Variants in STK3 observed in about 807,000 individuals in gnomAD.
The protein encoded by STK3 is serine/threonine-protein kinase 3.
STK3 carries 41 observed loss-of-function variants against 58.0 expected under a neutral mutation model. The observed-to-expected ratio is 0.71, with a 90% CI of 0.55 to 0.92. The LOEUF is 0.92. STK3 is among the 40% of genes least tolerant of loss of function. The probability of loss-of-function intolerance (pLI) is 0.00; values close to 1 mark genes in which losing one functional copy is unlikely to be tolerated. For synonymous variants in STK3, 170 were observed against 191.0 expected (o/e 0.89, Z 0.91); for missense variants, 479 against 602.7 (o/e 0.79, Z 2.15).
At chr8:98,379,820 C>T (rs1586542608) in intron 1 of STK3, among the ~76,000 whole-genome samples, 2 of 152,160 alleles carry the variant, frequency 1.3e-5, no homozygotes, top group South Asian at 2.1e-4. Flanking sequence ...GAATTGAAAT[C>T]GGGATCTTGA....
chr8:98,930,868 A>G (rs1000344206), intron 1 of STK3, among the ~76,000 whole-genome samples: 4 of 152,222 alleles, frequency 2.6e-5, no homozygotes, highest in Non-Finnish European at 5.9e-5. Context: ...TTACAAAAGC[A>G]GACTACTTGA....
At chr8:98,716,707 C>G (rs891356988) in intron 4 of STK3, among the ~76,000 whole-genome samples, 1 of 151,876 alleles carries the variant, frequency 6.6e-6, no homozygotes, top group Non-Finnish European at 1.5e-5. Context: ...TCTCAAGGGG[C>G]CCCAAAACAA....
intron 4 of STK3, among the ~76,000 whole-genome samples, chr8:98,737,900 G>C (rs1828750236): frequency 6.6e-6 from 1 of 152,204 alleles, no homozygotes; most frequent in African/African-American, 2.4e-5. Flanking sequence ...AGTAGAGACA[G>C]AGTTTTGCCG....
At chr8:98,926,022 G>A (rs537536873) in intron 1 of STK3, among the ~76,000 whole-genome samples, 1 of 152,146 alleles carries the variant, frequency 6.6e-6, no homozygotes, top group East Asian at 1.9e-4. Context: ...TGCCAAAGAG[G>A]GGCCGGGGGA....
intron 8 of STK3, among the ~76,000 whole-genome samples, chr8:98,566,378 G>A (rs778614376): frequency 1.4e-4 from 21 of 151,668 alleles, no homozygotes; most frequent in Non-Finnish European, 2.9e-4. Context: ...ACTGCAATAA[G>A]CCAAACTAGA....
the STK3 span, among the ~76,000 whole-genome samples, chr8:98,353,321 A>G: frequency 6.6e-6 from 1 of 152,106 alleles, no homozygotes; most frequent in Admixed American, 6.6e-5. Context: ...CAAAAAAACA[A>G]AAACAAAAAA....
chr8:98,577,901 G>A (rs1312047384), intron 8 of STK3, among the ~76,000 whole-genome samples: 2 of 151,916 alleles, frequency 1.3e-5, no homozygotes, highest in African/African-American at 4.8e-5. Context: ...TCAAGTACCG[G>A]GTATAGCACA....
intron 6 of STK3, among the ~76,000 whole-genome samples, chr8:98,702,469 G>A (rs1431899569): frequency 6.6e-6 from 1 of 152,164 alleles, no homozygotes; most frequent in Non-Finnish European, 1.5e-5. Flanking sequence ...GTGAAAAACA[G>A]TATTAATTTG....
intron 1 of STK3, among the ~76,000 whole-genome samples, chr8:98,791,964 T>C (rs188349789): frequency 6.6e-6 from 1 of 152,198 alleles, no homozygotes; most frequent in East Asian, 1.9e-4. Flanking sequence ...GATAAATAGC[T>C]GGGACTTAAA....
At chr8:98,845,585 G>A (rs1189944898) in intron 3 of STK3, among the ~76,000 whole-genome samples, 3 of 152,126 alleles carry the variant, frequency 2.0e-5, no homozygotes, top group Admixed American at 6.6e-5. Flanking sequence ...ATTTTTCCAC[G>A]TTCATATACT....
In STK3 at chr8:98,455,961, T is replaced by C. The variant is rs772958070; in HGVS notation, c.1357A>G (p.Lys453Glu). 2 of 1,612,736 alleles carry C rather than the reference T, an allele frequency of 1.2e-6. No homozygotes were observed. The highest frequency in any genetic ancestry group is 1.6e-4 in the Middle Eastern group (1 of 6,062). The change falls in exon 11 of 11, where the codon AAA (lysine) becomes GAA (glutamate). Residue 453 changes from lysine to glutamate, a missense_variant. By Grantham distance (56) the Lys-to-Glu change is moderately conservative. Coordinates refer to ENST00000419617, the MANE Select transcript of STK3 (RefSeq NM_006281.4). ...LSLEELQMRL[K>E]ALDPMMEREI... Reference sequence around the variant, plus strand: ...CGTTCCATCATGGGGTCCAGTGCTTTTAACCGCATCTGTAGTTCTTCTAAA... The same window carrying C: ...CGTTCCATCATGGGGTCCAGTGCTTCTAACCGCATCTGTAGTTCTTCTAAA...
intron 1 of STK3, among the ~76,000 whole-genome samples, chr8:98,927,476 G>A (rs1434204129): frequency 6.6e-6 from 1 of 152,214 alleles, no homozygotes; most frequent in Non-Finnish European, 1.5e-5. Flanking sequence ...TCTATGGAAG[G>A]TCTTCTCCTA....
chr8:98,505,656 C>T (rs556051113), intron 10 of STK3, among the ~76,000 whole-genome samples: 22 of 152,324 alleles, frequency 1.4e-4, no homozygotes, highest in African/African-American at 5.3e-4. Context: ...GGTCCCTCAG[C>T]TGCAGGTCTG....
intron 1 of STK3, among the ~76,000 whole-genome samples, chr8:98,386,269 A>G (rs150045748): frequency 1.2e-4 from 19 of 152,374 alleles, no homozygotes; most frequent in Non-Finnish European, 2.4e-4. Context: ...TGTGCACAAG[A>G]CAATTAATTG....
intron 1 of STK3, among the ~76,000 whole-genome samples, chr8:98,929,817 A>G (rs560287207): frequency 6.6e-6 from 1 of 152,302 alleles, no homozygotes; most frequent in East Asian, 1.9e-4. Context: ...GTCTTCCCAT[A>G]AACTCACTTG....
At chr8:98,603,877 C>A (rs1229515841) in intron 6 of STK3, among the ~76,000 whole-genome samples, 1 of 152,100 alleles carries the variant, frequency 6.6e-6, no homozygotes, top group South Asian at 2.1e-4. Flanking sequence ...ACGTTCTAAT[C>A]CCCGGACTTG....
intron 1 of STK3, among the ~76,000 whole-genome samples, chr8:98,813,669 C>T (rs567021935): frequency 7.6e-4 from 115 of 152,250 alleles, no homozygotes; most frequent in Admixed American, 1.8e-3. Context: ...AGAATTTTCT[C>T]CACTTATCAT....
At chr8:98,537,589 CTTTT>C (rs898449800) in intron 9 of STK3, among the ~76,000 whole-genome samples, 2 of 152,114 alleles carry the variant, frequency 1.3e-5, no homozygotes, top group Non-Finnish European at 2.9e-5. Flanking sequence ...ATGGCAAATA[CTTTT>C]TTTAAGCACA....
intron 3 of STK3, among the ~76,000 whole-genome samples, chr8:98,755,098 T>A (rs1200358703): frequency 6.6e-6 from 1 of 152,220 alleles, no homozygotes; most frequent in Non-Finnish European, 1.5e-5. Context: ...ATGGCCCATC[T>A]AACACCCACG....
Sources: allele counts gnomAD v4.1 joint callset (sites outside exome capture counted in the v4.1 genomes callset), GRCh38; gene constraint gnomAD v4.1.1; transcripts MANE v1.5; gene names NCBI Gene and HGNC (gene_info 2026-07-23, HGNC 2026-07-21).